RBFOX1: variants seen among roughly 807,000 people sequenced by gnomAD.
The protein encoded by RBFOX1 is RNA binding fox-1 homolog 1.
Under a neutral mutation model 57.7 loss-of-function variants are expected in RBFOX1, and 8 were observed. The ratio of observed to expected loss-of-function variants is 0.14; its 90% CI spans 0.08 to 0.25. RBFOX1 has a LOEUF of 0.25. RBFOX1 is among the 10% of genes least tolerant of loss of function. The pLI, the probability that RBFOX1 is intolerant of heterozygous loss-of-function variation, is 1.00. For synonymous variants in RBFOX1, 326 were observed against 222.4 expected (o/e 1.47, Z -4.15); for missense variants, 611 against 548.5 (o/e 1.11, Z -1.14).
At chr16:7,037,639 C>T (rs1299406845) in intron 3 of RBFOX1, among the ~76,000 whole-genome samples, 2 of 152,176 alleles carry the variant, frequency 1.3e-5, no homozygotes, top group Non-Finnish European at 2.9e-5. Flanking sequence ...GTGTGATAGG[C>T]ACTCTTCTAA....
chr16:7,282,593 T>C (rs1014464257), intron 4 of RBFOX1, among the ~76,000 whole-genome samples: 2 of 151,902 alleles, frequency 1.3e-5, no homozygotes, highest in South Asian at 4.2e-4. Flanking sequence ...TTTTAAAAAA[T>C]TTTTCCATAG....
intron 4 of RBFOX1, among the ~76,000 whole-genome samples, chr16:7,139,174 C>CTGTGTGTGTGTGTGTGTGTGTG: frequency 8.8e-5 from 2 of 22,780 alleles, no homozygotes; most frequent in African/African-American, 1.8e-4. Flanking sequence ...ATCAATCTCT[C>CTGTGTGTGTGTGTGTGTGTGTG]TCTGTGTGTG....
intron 3 of RBFOX1, among the ~76,000 whole-genome samples, chr16:5,799,715 C>A (rs2054997624): frequency 6.6e-6 from 1 of 152,110 alleles, no homozygotes; most frequent in Admixed American, 6.5e-5. Context: ...CATATTGAAT[C>A]CATTTTTGAC....
intron 2 of RBFOX1, among the ~76,000 whole-genome samples, chr16:6,431,942 T>TTTCTTTCC (rs2094110709): frequency 6.6e-6 from 1 of 151,394 alleles, no homozygotes; most frequent in South Asian, 2.1e-4. Flanking sequence ...TCTTTCTTTC[T>TTTCTTTCC]TTCTTTCTTT....
intron 3 of RBFOX1, among the ~76,000 whole-genome samples, chr16:6,767,932 TAATAATAATAATAATAAG>T (rs1342807275): frequency 1.6e-4 from 15 of 94,878 alleles, no homozygotes; most frequent in African/African-American, 4.4e-4. Flanking sequence ...ATAATAATAA[TAATAATAATAATAATAAG>T]AAGAAGAAGA....
chr16:7,261,774 A>G (rs9922487), intron 4 of RBFOX1, among the ~76,000 whole-genome samples: 9,495 of 152,266 alleles, frequency 0.062, 368 homozygotes, highest in East Asian at 0.14. Flanking sequence ...TGAGATCACG[A>G]GAGCCTGACA....
intron 4 of RBFOX1, among the ~76,000 whole-genome samples, chr16:7,179,823 C>T (rs994771185): frequency 1.3e-5 from 2 of 152,094 alleles, no homozygotes; most frequent in East Asian, 1.9e-4. Context: ...CAACCTACTC[C>T]TCCCAGGTTC....
chr16:7,098,467 G>C (rs966646970), intron 4 of RBFOX1, among the ~76,000 whole-genome samples: 1 of 152,142 alleles, frequency 6.6e-6, no homozygotes, highest in Admixed American at 6.5e-5. Flanking sequence ...ACTGTGCCAG[G>C]TAGGCAAAAA....
chr16:7,044,184 G>T lies in RBFOX1; in HGVS notation c.-15-7873G>T, dbSNP rs576583306. ...ATGTGTATGTATATGTGCATGTGTG[G>T]GTATGGGTGTGTATGTGTGTGAGTA... is the stretch of plus-strand genomic sequence containing the variant. On this transcript the variant is annotated intron_variant, in intron 3 of 15. Coordinates refer to ENST00000550418, the MANE Select transcript of RBFOX1 (RefSeq NM_018723.4). Among the ~76,000 whole-genome samples, 12 of 152,144 alleles carry T rather than the reference G, an allele frequency of 7.9e-5. 1 individual carries two copies. The highest frequency in any genetic ancestry group is 2.4e-4 in the African/African-American group (10 of 41,522).
chr16:6,863,549 T>C lies in RBFOX1; in HGVS notation c.-15-188508T>C, dbSNP rs181246619. Among the ~76,000 whole-genome samples the C allele has an allele frequency of 2.3e-3, 342 of 151,558 alleles. 4 individuals carry two copies. Among genetic ancestry groups the C allele is most frequent in the African/African-American group, 7.8e-3 (321 of 41,304 alleles). ...TAATTACAATTATTTTCTGGTTACA[T>C]AGATAAATGTAAATAACATTAAAGA... On this transcript the variant is annotated intron_variant, in intron 3 of 15. Transcript: ENST00000550418.
intron 3 of RBFOX1, among the ~76,000 whole-genome samples, chr16:6,724,708 C>T (rs534040561): frequency 9.9e-5 from 15 of 152,090 alleles, no homozygotes; most frequent in Non-Finnish European, 1.8e-4. Context: ...TCAGATTAGA[C>T]CATATAGGGT....
chr16:7,606,857 A>T, intron 9 of RBFOX1, among the ~76,000 whole-genome samples: 1 of 152,238 alleles, frequency 6.6e-6, no homozygotes, highest in East Asian at 1.9e-4. Context: ...GACAATTGTT[A>T]GAATATATTG....
chr16:5,542,033 A>C (rs1011475247), intron 2 of RBFOX1, among the ~76,000 whole-genome samples: 1 of 152,130 alleles, frequency 6.6e-6, no homozygotes, highest in Admixed American at 6.5e-5. Context: ...TGCGATCAAA[A>C]TATATACTGA....
intron 3 of RBFOX1, among the ~76,000 whole-genome samples, chr16:6,765,530 G>GA (rs76578989): frequency 0.31 from 46,774 of 151,778 alleles, 8,014 homozygotes; most frequent in Middle Eastern, 0.44. Flanking sequence ...TAAAGTTTAA[G>GA]AAAAAAAGAA....
At chr16:6,411,410 A>G (rs1293754876) in intron 2 of RBFOX1, among the ~76,000 whole-genome samples, 2 of 152,216 alleles carry the variant, frequency 1.3e-5, no homozygotes, top group African/African-American at 4.8e-5. Flanking sequence ...CCCGATGAAC[A>G]CATGCCTTTG....
At chr16:5,366,377 C>T (rs2065715826) in intron 1 of RBFOX1, 1 of 388,150 alleles carries the variant, frequency 2.6e-6, no homozygotes, top group African/African-American at 2.1e-5. Flanking sequence ...AAGAAAAGTA[C>T]CAGTGAAGAA....
intron 2 of RBFOX1, among the ~76,000 whole-genome samples, chr16:6,479,141 T>C (rs2095330221): frequency 6.6e-6 from 1 of 152,244 alleles, no homozygotes; most frequent in Admixed American, 6.5e-5. Flanking sequence ...AGTTTCATAC[T>C]GTATTAGTCC....
intron 3 of RBFOX1, among the ~76,000 whole-genome samples, chr16:5,648,003 G>A (rs1028315452): frequency 3.3e-5 from 5 of 152,142 alleles, no homozygotes; most frequent in Non-Finnish European, 7.4e-5. Flanking sequence ...TGGAGTATAG[G>A]CATGCAGCAC....
chr16:6,050,381 T>C (rs149944823), intron 1 of RBFOX1, among the ~76,000 whole-genome samples: 2 of 152,360 alleles, frequency 1.3e-5, no homozygotes, highest in African/African-American at 4.8e-5. Flanking sequence ...GCAGTATTTC[T>C]CACAGTCTGG....
Sources: allele counts gnomAD v4.1 joint callset (sites outside exome capture counted in the v4.1 genomes callset), GRCh38; gene constraint gnomAD v4.1.1; transcripts MANE v1.5; gene names NCBI Gene and HGNC (gene_info 2026-07-23, HGNC 2026-07-21).